Variants in TFDP1 observed in about 807,000 individuals in gnomAD.
The protein encoded by TFDP1 is DRTF1-polypeptide 1.
In TFDP1, 6 loss-of-function variants were observed where a neutral mutation model predicts 48.0. The observed-to-expected ratio is 0.13, with a 90% CI of 0.07 to 0.25. TFDP1 has a LOEUF of 0.25. TFDP1 is among the 10% of genes least tolerant of loss of function. TFDP1 has a pLI of 1.00. For missense variants in TFDP1, 335 were observed against 543.0 expected (o/e 0.62, Z 3.81); for synonymous variants, 201 against 211.6 (o/e 0.95, Z 0.44).
intron 3 of TFDP1, among the ~76,000 whole-genome samples, chr13:113,613,533 G>A (rs764869847): frequency 7.3e-4 from 109 of 148,766 alleles, no homozygotes; most frequent in Non-Finnish European, 1.2e-3. Context: ...GTGCATGAGT[G>A]TGTGTGAGGA....
rs897339085 is a variant in TFDP1 at position 113,598,966 on chromosome 13, CGTA to C, written c.13-12028_13-12026del. Among the ~76,000 whole-genome samples, 1 of 152,132 alleles carries C rather than the reference CGTA, an allele frequency of 6.6e-6. No homozygotes were observed. The highest frequency in any genetic ancestry group is 2.4e-5 in the African/African-American group (1 of 41,408). The stretch of plus-strand genomic sequence containing the variant: ...TGAAAATGGAAAGTTTATTTAAAAA[CGTA>C]GGGTGCAGAAAGGTGTCAGAAAGTA... On this transcript the variant is annotated intron_variant, in intron 2 of 11. Transcript: ENST00000375370. The surrounding 1 kb of genome is among the most constrained non-coding windows in gnomAD (Gnocchi z 4.2).
intron 4 of TFDP1, among the ~76,000 whole-genome samples, chr13:113,625,452 T>C (rs1229028415): frequency 4.0e-5 from 4 of 99,766 alleles, no homozygotes; most frequent in Admixed American, 1.0e-4. Context: ...TGTCCTCAGG[T>C]GTCTCTCACG....
At chr13:113,637,168 CT>C in intron 10 of TFDP1, 1 of 175,556 alleles carries the variant, frequency 5.7e-6, no homozygotes, top group Non-Finnish European at 1.2e-5. Context: ...GTTGAAGGAG[CT>C]TTTTTTCTGT....
chr13:113,625,033 T>C (rs868215764), intron 4 of TFDP1, among the ~76,000 whole-genome samples: 129 of 121,208 alleles, frequency 1.1e-3, no homozygotes, highest in African/African-American at 3.9e-3. Flanking sequence ...CCTCAGGTGT[T>C]TCTCAGGTGT....
intron 2 of TFDP1, among the ~76,000 whole-genome samples, chr13:113,594,787 A>G (rs2048246670): frequency 6.6e-6 from 1 of 152,374 alleles, no homozygotes; most frequent in African/African-American, 2.4e-5. Context: ...ACTTTCCACA[A>G]GAAAATAATA....
chr13:113,601,340 C>CGCTCCTTGTG (rs2048420291), intron 2 of TFDP1, among the ~76,000 whole-genome samples: 1 of 150,416 alleles, frequency 6.6e-6, no homozygotes, highest in Non-Finnish European at 1.5e-5. Flanking sequence ...TTAACTCACC[C>CGCTCCTTGTG]GGCTGCTGGT....
Position 113,634,040 on chromosome 13 carries a change from CT to C in TFDP1, c.618+9del. ...GGAATGTCAGAACTTAGAGGTGCCC[CT>C]TCAGCCTTCCTTCAACCTTGATTTC... On this transcript the variant is annotated splice_region_variant and intron_variant, in intron 7 of 11. Transcript: ENST00000375370. 1 of 1,614,180 alleles carries C rather than the reference CT, an allele frequency of 6.2e-7. No individual in the cohort carries two copies. The highest frequency in any genetic ancestry group is 2.2e-5 in the East Asian group (1 of 44,880).
rs1451880396 is a variant in TFDP1, at chr13:113,626,357, A to G, written c.186+3071A>G. ...TCTTTATTTTATATGCATTCCTGCT[A>G]TTTCCGTTTATTTAAATATGCTTGA... is the stretch of plus-strand genomic sequence containing the variant. On this transcript the variant is annotated intron_variant, in intron 4 of 11. Transcript: ENST00000375370. 4.6e-5 allele frequency among the ~76,000 whole-genome samples: 7 copies of G among 152,318 alleles called. No individual in the cohort carries two copies. In the East Asian group the frequency reaches 1.3e-3, roughly 29 times the overall value.
intron 2 of TFDP1, 112 bp from the exon 3 acceptor site, chr13:113,610,881 CCTT>C: frequency 1.1e-6 from 1 of 936,344 alleles, no homozygotes. Context: ...TAACTGTGGT[CCTT>C]CTGCCTTTTT....
At chr13:113,614,284 A>C (rs2048801843) in intron 3 of TFDP1, among the ~76,000 whole-genome samples, 2 of 151,898 alleles carry the variant, frequency 1.3e-5, no homozygotes, top group Non-Finnish European at 2.9e-5. Flanking sequence ...TGTGTGTGTA[A>C]GCGTGCAGTC....
rs752045954 is a variant in TFDP1, at chr13:113,640,262, G to T, written c.1228G>T (p.Asp410Tyr). 12 of 1,611,332 alleles carry T rather than the reference G, an allele frequency of 7.4e-6. No homozygotes were observed. In the East Asian group the frequency reaches 2.5e-4, roughly 33 times the overall value. ...TGACTTCAACGAGAATGACGAGGACGACTGACGTCCTCCCCACTTCAGATT... is the reference window on the plus strand; with the variant it reads ...TGACTTCAACGAGAATGACGAGGACTACTGACGTCCTCCCCACTTCAGATT... ...DDDFNENDED[D>Y] The change falls in exon 12 of 12, where the codon GAC becomes TAC. Residue 410 changes from aspartate (D) to tyrosine (Y), a missense_variant. Asp to Tyr is a radical substitution (Grantham distance 160, BLOSUM62 -3). Transcript: ENST00000375370.
chr13:113,596,765 G>A (rs1479069063), intron 2 of TFDP1, among the ~76,000 whole-genome samples: 1 of 152,252 alleles, frequency 6.6e-6, no homozygotes, highest in African/African-American at 2.4e-5. Flanking sequence ...AAGGTGGTCA[G>A]CATCGAGGTT....
At position 113,633,039 on chromosome 13, in the gene TFDP1, T is replaced by C; in HGVS notation, c.309-81T>C. 1.3e-6 allele frequency: 2 copies of C among 1,566,970 alleles called. No individual in the cohort carries two copies. The highest frequency in any genetic ancestry group is 1.7e-6 in the Non-Finnish European group (2 of 1,150,834). ...CCCTTTTTGTGCAGCTCATTAGAGC[T>C]CTCAGGTAAAAGCATTCCTCGATTC... On this transcript the variant is annotated intron_variant, in intron 5 of 11. Coordinates refer to ENST00000375370, the MANE Select transcript of TFDP1 (RefSeq NM_007111.5). The surrounding 1 kb of genome is among the most constrained non-coding windows in gnomAD (Gnocchi z 4.5).
chr13:113,597,390 G>T (rs1330869511), intron 2 of TFDP1, among the ~76,000 whole-genome samples: 1 of 152,208 alleles, frequency 6.6e-6, no homozygotes, highest in South Asian at 2.1e-4. Flanking sequence ...CCTGGACCCC[G>T]TCGCGCTGTC....
rs2140602997 is a variant in TFDP1, at chr13:113,633,444, C to T, written c.474+159C>T. The stretch of plus-strand genomic sequence containing the variant: ...ACGAGTCAGTAAGTGTGTGCCGGGG[C>T]CGAGAGGCTGGGGTGGCGGAGCCCA... On this transcript the variant is annotated intron_variant, in intron 6 of 11. Transcript: ENST00000375370. The surrounding 1 kb of genome is among the most constrained non-coding windows in gnomAD (Gnocchi z 4.5). 6.6e-6 allele frequency among the ~76,000 whole-genome samples: 1 copy of T among 151,152 alleles called. No individual in the cohort carries two copies. The highest frequency in any genetic ancestry group is 2.1e-4 in the South Asian group (1 of 4,780).
chr13:113,628,848 C>T (rs2049259867), intron 4 of TFDP1, among the ~76,000 whole-genome samples: 1 of 152,256 alleles, frequency 6.6e-6, no homozygotes, highest in South Asian at 2.1e-4. Context: ...GCCGTGCCTC[C>T]TCTGGCTGTT....
At position 113,641,372 on chromosome 13, in the gene TFDP1, C is replaced by G. The variant is rs915660175; in HGVS notation, c.*1105C>G. On this transcript the variant is annotated 3_prime_UTR_variant, in exon 12 of 12. Transcript: ENST00000375370. Reference sequence around the variant, plus strand: ...TTTATTGAAACACAAATAAACTTTTCTGTAATATTTTATGGTATATAAAGA... The same window carrying G: ...TTTATTGAAACACAAATAAACTTTTGTGTAATATTTTATGGTATATAAAGA... 6.6e-6 allele frequency: 1 copy of G among 152,162 alleles called. No individual in the cohort carries two copies. Among genetic ancestry groups the G allele is most frequent in the African/African-American group, 2.4e-5 (1 of 41,442 alleles). The allele number at this position is 152,162 out of a possible 1,614,324, so 9.4% of individuals were successfully genotyped here.
intron 7 of TFDP1, 96 bp from the exon 8 acceptor site, chr13:113,634,438 A>G: frequency 2.0e-6 from 2 of 996,164 alleles, no homozygotes; most frequent in East Asian, 2.4e-5. Flanking sequence ...CTGGGTAAAC[A>G]TAGGTAACAC....
At chr13:113,625,530 TCTCAGGTGTCTCTCACGTGTC>T (rs1370077564) in intron 4 of TFDP1, among the ~76,000 whole-genome samples, 2 of 85,244 alleles carry the variant, frequency 2.3e-5, no homozygotes, top group Non-Finnish European at 4.2e-5. Context: ...CTCAGGTGTT[TCTCAGGTGTCTCTCACGTGTC>T]CTCAGGTGTC....
Sources: gnomAD v4.1 joint callset for allele counts (sites outside exome capture counted in the v4.1 genomes callset) on GRCh38, gnomAD v4.1.1 for gene constraint, Gnocchi (gnomAD v3.1) non-coding constraint, MANE v1.5 for transcripts, NCBI Gene and HGNC (gene_info 2026-07-23, HGNC 2026-07-21) for gene names.